The following AUTS2 variants were observed in gnomAD, a reference collection of about 807,000 sequenced individuals.
The protein encoded by AUTS2 is autism susceptibility gene 2 protein.
AUTS2 carries 17 observed loss-of-function variants against 112.4 expected under a neutral mutation model. The ratio of observed to expected loss-of-function variants is 0.15; its 90% CI spans 0.10 to 0.23. The LOEUF is 0.23. Ranked by LOEUF, AUTS2 falls within the 10% of genes least tolerant of loss-of-function variation. AUTS2 has a pLI of 1.00. For missense variants in AUTS2, 1,510 were observed against 1,701.6 expected, an observed-to-expected ratio of 0.89 and a Z score of 1.98; for synonymous variants, 751 against 702.7, an observed-to-expected ratio of 1.07 and a Z score of -1.09.
chr7:70,335,247 T>TG (rs1198976114), intron 4 of AUTS2, among the ~76,000 whole-genome samples: 1 of 152,196 alleles, frequency 6.6e-6, no homozygotes, highest in East Asian at 1.9e-4. Flanking sequence ...CAACAGAGGA[T>TG]GGGTTTTAGC....
intron 1 of AUTS2, among the ~76,000 whole-genome samples, chr7:69,863,450 G>A (rs755245280): frequency 4.6e-5 from 7 of 152,128 alleles, no homozygotes; most frequent in Admixed American, 1.3e-4. Flanking sequence ...CAGATACAGC[G>A]GGACAACTGT....
chr7:69,637,219 T>C (rs975860310), intron 1 of AUTS2, among the ~76,000 whole-genome samples: 2 of 152,220 alleles, frequency 1.3e-5, no homozygotes, highest in Non-Finnish European at 2.9e-5. Flanking sequence ...ACTAAATCTT[T>C]GTGAAGTCTT....
chr7:69,759,494 G>A (rs1788076855), intron 1 of AUTS2, among the ~76,000 whole-genome samples: 1 of 151,986 alleles, frequency 6.6e-6, no homozygotes, highest in African/African-American at 2.4e-5. Context: ...TTCAGATTTT[G>A]GAGCATTTCA....
At chr7:69,937,199 C>T (rs980680939) in intron 2 of AUTS2, among the ~76,000 whole-genome samples, 2 of 152,224 alleles carry the variant, frequency 1.3e-5, no homozygotes, top group Non-Finnish European at 1.5e-5. Flanking sequence ...TGTTATTTCT[C>T]ATCTCAGACT....
At chr7:70,496,521 C>T (rs1174500937) in intron 5 of AUTS2, among the ~76,000 whole-genome samples, 35 of 130,700 alleles carry the variant, frequency 2.7e-4, no homozygotes, top group Middle Eastern at 6.1e-3. Flanking sequence ...CGATCACACA[C>T]CCCACTCACA....
intron 5 of AUTS2, among the ~76,000 whole-genome samples, chr7:70,458,980 C>T (rs1008493866): frequency 6.6e-6 from 1 of 152,336 alleles, no homozygotes; most frequent in Non-Finnish European, 1.5e-5. Context: ...CCCGGGCCTC[C>T]TCAGAGACAG....
At chr7:70,232,339 A>G (rs967965032) in intron 4 of AUTS2, among the ~76,000 whole-genome samples, 2 of 151,864 alleles carry the variant, frequency 1.3e-5, no homozygotes, top group East Asian at 1.9e-4. Flanking sequence ...TTGTCTTTCT[A>G]TGAGCATACA....
chr7:69,611,284 A>G (rs1793019613), intron 1 of AUTS2, among the ~76,000 whole-genome samples: 2 of 151,972 alleles, frequency 1.3e-5, no homozygotes, highest in African/African-American at 2.4e-5. Context: ...GCCTAGGAGG[A>G]TATGTGGTGT....
chr7:69,748,121 T>C (rs1787588272), intron 1 of AUTS2, among the ~76,000 whole-genome samples: 1 of 152,180 alleles, frequency 6.6e-6, no homozygotes, highest in South Asian at 2.1e-4. Flanking sequence ...AGGATGCTTC[T>C]CATTAGGGTC....
chr7:69,869,543 T>TAC (rs1023927433), intron 1 of AUTS2, among the ~76,000 whole-genome samples: 174 of 151,672 alleles, frequency 1.1e-3, no homozygotes, highest in African/African-American at 3.1e-3. Context: ...TATATATATA[T>TAC]ACACACACAC....
chr7:70,203,316 C>A (rs1810392207), intron 4 of AUTS2, among the ~76,000 whole-genome samples: 1 of 102,280 alleles, frequency 9.8e-6, no homozygotes, highest in Non-Finnish European at 1.8e-5. Context: ...GCACAATGTG[C>A]ACATGTACCC....
chr7:69,666,361 G>A (rs991169289), intron 1 of AUTS2, among the ~76,000 whole-genome samples: 30 of 152,168 alleles, frequency 2.0e-4, no homozygotes, highest in Admixed American at 1.8e-3. Context: ...TCGTAATTCA[G>A]TAAACAATTT....
chr7:69,707,684 A>G (rs1039341906), intron 1 of AUTS2, among the ~76,000 whole-genome samples: 9 of 152,230 alleles, frequency 5.9e-5, no homozygotes, highest in Admixed American at 4.6e-4. Context: ...ATAAATTCCT[A>G]TCCTTGCGGG....
intron 4 of AUTS2, among the ~76,000 whole-genome samples, chr7:70,359,277 C>T (rs1256995809): frequency 2.0e-5 from 3 of 152,262 alleles, no homozygotes; most frequent in African/African-American, 4.8e-5. Context: ...ACGATAATTG[C>T]GTTGTTGTTG....
intron 1 of AUTS2, among the ~76,000 whole-genome samples, chr7:69,882,377 C>T (rs1794094281): frequency 6.6e-6 from 1 of 151,970 alleles, no homozygotes; most frequent in African/African-American, 2.4e-5. Context: ...ATACAGCCAT[C>T]TTAAAAATAA....
At chr7:70,104,302 A>G (rs1252050297) in intron 2 of AUTS2, among the ~76,000 whole-genome samples, 3 of 151,226 alleles carry the variant, frequency 2.0e-5, no homozygotes, top group Non-Finnish European at 4.4e-5. Flanking sequence ...GTCTGTTCTT[A>G]AATTGTAAAT....
intron 2 of AUTS2, among the ~76,000 whole-genome samples, chr7:69,975,681 TG>T (rs1483719377): frequency 4.6e-5 from 7 of 151,864 alleles, no homozygotes; most frequent in Middle Eastern, 6.8e-3. Context: ...TTTTTTTAAT[TG>T]TTTTTTTTTT....
rs776850854 is a variant in AUTS2, at chr7:70,768,035, C to T, written c.1701C>T (p.Tyr567=). The T allele has an allele frequency of 4.2e-5, 68 of 1,609,108 alleles. No individual in the cohort carries two copies. The East Asian group carries it at 1.2e-3, about 29-fold the overall frequency. The change falls in exon 10 of 19, where the codon TAC becomes TAT. Residue 567 remains tyrosine, a synonymous_variant. Coordinates refer to ENST00000342771, the MANE Select transcript of AUTS2 (RefSeq NM_015570.4). ...PTPAPPMFDK[Y]PTKVDPFYRH... Reference sequence around the variant, plus strand: ...TGATCCCTTTACAGTTTGACAAATACCCTACAAAAGTTGACCCATTCTACC... The same window carrying T: ...TGATCCCTTTACAGTTTGACAAATATCCTACAAAAGTTGACCCATTCTACC...
intron 2 of AUTS2, among the ~76,000 whole-genome samples, chr7:70,026,629 T>A (rs192165034): frequency 3.7e-4 from 56 of 152,326 alleles, no homozygotes; most frequent in Non-Finnish European, 1.6e-4. Flanking sequence ...TCTCGACAAG[T>A]TGGGAAAGTT....
Sources: allele counts gnomAD v4.1 joint callset (sites outside exome capture counted in the v4.1 genomes callset), GRCh38; gene constraint gnomAD v4.1.1; transcripts MANE v1.5; gene names NCBI Gene and HGNC (gene_info 2026-07-23, HGNC 2026-07-21).